BBX: variants seen among roughly 807,000 people sequenced by gnomAD.
The protein encoded by BBX is HMG box transcription factor BBX.
A neutral mutation model predicts 100.2 loss-of-function variants in BBX; 30 were observed. The observed-to-expected ratio is 0.30, with a 90% CI of 0.22 to 0.41. The LOEUF (loss-of-function observed/expected upper bound fraction) is 0.41, where lower values mean the gene tolerates loss of function less well. BBX is among the 10% of genes least tolerant of loss of function. The probability of loss-of-function intolerance (pLI) is 1.00; values close to 1 mark genes in which losing one functional copy is unlikely to be tolerated. For synonymous variants in BBX, 376 were observed against 388.1 expected (o/e 0.97, Z 0.37); for missense variants, 1,023 against 1,129.8 (o/e 0.91, Z 1.35).
intron 2 of BBX, among the ~76,000 whole-genome samples, chr3:107,562,510 C>G (rs896304898): frequency 7.9e-5 from 12 of 151,618 alleles, no homozygotes; most frequent in African/African-American, 2.7e-4. Context: ...TGTAGTAATT[C>G]ATTTAGTTTT....
intron 5 of BBX, among the ~76,000 whole-genome samples, chr3:107,719,834 ATC>A: frequency 6.6e-6 from 1 of 151,980 alleles, no homozygotes; most frequent in Non-Finnish European, 1.5e-5. Flanking sequence ...AGGAATACAA[ATC>A]TCTGCATTTT....
At chr3:107,649,528 G>A (rs377507606) in intron 3 of BBX, among the ~76,000 whole-genome samples, 2 of 152,130 alleles carry the variant, frequency 1.3e-5, no homozygotes, top group Non-Finnish European at 2.9e-5. Context: ...AGAGTCCCTG[G>A]CACATAGAAG....
At chr3:107,783,177 G>A (rs1339121841) in intron 13 of BBX, among the ~76,000 whole-genome samples, 2 of 151,988 alleles carry the variant, frequency 1.3e-5, no homozygotes, top group East Asian at 3.9e-4. Context: ...TTCACTTCTT[G>A]ACTCTAAAAT....
At chr3:107,622,469 T>C (rs1464886541) in intron 2 of BBX, among the ~76,000 whole-genome samples, 2 of 152,234 alleles carry the variant, frequency 1.3e-5, no homozygotes, top group Non-Finnish European at 2.9e-5. Context: ...ATACATATCC[T>C]GTACATGCGT....
At chr3:107,752,109 T>C (rs1401559729) in intron 9 of BBX, among the ~76,000 whole-genome samples, 1 of 152,236 alleles carries the variant, frequency 6.6e-6, no homozygotes, top group Non-Finnish European at 1.5e-5. Context: ...TGAAAAATTA[T>C]ATTTACCTTG....
At chr3:107,625,958 A>G (rs2056141121) in intron 2 of BBX, among the ~76,000 whole-genome samples, 2 of 152,148 alleles carry the variant, frequency 1.3e-5, no homozygotes, top group Admixed American at 1.3e-4. Context: ...TATAATATAT[A>G]TACCTTACAT....
At chr3:107,723,701 G>C (rs1306205785) in intron 5 of BBX, among the ~76,000 whole-genome samples, 1 of 151,986 alleles carries the variant, frequency 6.6e-6, no homozygotes, top group Admixed American at 6.6e-5. Flanking sequence ...GAGAATGATG[G>C]TTTCCAGCTT....
intron 3 of BBX, among the ~76,000 whole-genome samples, chr3:107,689,559 A>G (rs1409197960): frequency 6.6e-6 from 1 of 152,226 alleles, no homozygotes; most frequent in Non-Finnish European, 1.5e-5. Flanking sequence ...TAAGAGCTGC[A>G]GCATCAATAT....
chr3:107,784,939 G>A (rs1448718373), intron 13 of BBX, among the ~76,000 whole-genome samples: 5 of 151,594 alleles, frequency 3.3e-5, no homozygotes, highest in Admixed American at 1.3e-4. Context: ...AGAAGAAAAA[G>A]AGAAGACTCA....
intron 3 of BBX, among the ~76,000 whole-genome samples, chr3:107,653,735 C>A (rs562346538): frequency 6.6e-6 from 1 of 152,222 alleles, no homozygotes; most frequent in South Asian, 2.1e-4. Flanking sequence ...TTTAGAGTAT[C>A]GAACATTACC....
chr3:107,618,882 C>G (rs564414077), intron 2 of BBX, among the ~76,000 whole-genome samples: 1 of 152,128 alleles, frequency 6.6e-6, no homozygotes, highest in African/African-American at 2.4e-5. Flanking sequence ...GCTGTTGGGT[C>G]AGATGTTGTG....
rs758752171 is a variant in BBX at position 107,798,580 on chromosome 3, C to T, written c.2411C>T (p.Pro804Leu). ...CCTGTTCATAAGGTTAAAAATATCC[C>T]ATCCATTTTCAACACTCCAGAGCCA... ...MEPVHKVKNIPSIFNTPEPTT... is the reference protein window; with the variant it reads ...MEPVHKVKNILSIFNTPEPTT... Residue 804 changes from proline to leucine, a missense_variant, in exon 16 of 18, where the codon CCA (proline) becomes CTA (leucine). Coordinates refer to ENST00000325805, the MANE Select transcript of BBX (RefSeq NM_001142568.3). The T allele has an allele frequency of 1.9e-6, 3 of 1,613,886 alleles. No homozygotes were observed. The highest frequency in any genetic ancestry group is 2.5e-6 in the Non-Finnish European group (3 of 1,179,886).
intron 2 of BBX, among the ~76,000 whole-genome samples, chr3:107,643,834 T>C (rs2057361686): frequency 6.6e-6 from 1 of 152,178 alleles, no homozygotes; most frequent in South Asian, 2.1e-4. Flanking sequence ...AGATAAAATT[T>C]GGAGTGTTTC....
chr3:107,772,984 T>C lies in BBX; in HGVS notation c.1263T>C (p.Asp421=), dbSNP rs146123837. ...CCAGTAGCAAGATAATAATTAGTGA[T>C]GTTCCCAGTAGAAAGGATCATATGT... The part of the protein sequence containing the change: ...YSASSKIIIS[D]VPSRKDHMCH... The change falls in exon 11 of 18, where the codon GAT becomes GAC. Residue 421 remains aspartate, a synonymous_variant. Coordinates refer to ENST00000325805, the MANE Select transcript of BBX (RefSeq NM_001142568.3). 1 of 1,613,992 alleles carries C rather than the reference T, an allele frequency of 6.2e-7. No homozygotes were observed. The highest frequency in any genetic ancestry group is 8.5e-7 in the Non-Finnish European group (1 of 1,179,982).
intron 6 of BBX, among the ~76,000 whole-genome samples, chr3:107,730,152 T>A (rs1445711168): frequency 6.6e-6 from 1 of 152,156 alleles, no homozygotes; most frequent in Non-Finnish European, 1.5e-5. Flanking sequence ...GTGATTGCTA[T>A]GTGGGTGTCT....
chr3:107,754,986 A>G (rs2065362808), intron 9 of BBX, among the ~76,000 whole-genome samples: 1 of 152,218 alleles, frequency 6.6e-6, no homozygotes, highest in African/African-American at 2.4e-5. Context: ...TGTTGTACAT[A>G]TGTTATGTAC....
At chr3:107,726,928 T>G (rs1381090506) in intron 5 of BBX, among the ~76,000 whole-genome samples, 1 of 152,070 alleles carries the variant, frequency 6.6e-6, no homozygotes, top group Non-Finnish European at 1.5e-5. Context: ...TGATTATAAC[T>G]GCTCTATGTG....
intron 2 of BBX, among the ~76,000 whole-genome samples, chr3:107,568,510 C>T (rs1428820316): frequency 3.3e-5 from 5 of 152,070 alleles, no homozygotes; most frequent in East Asian, 1.9e-4. Context: ...GTGATCCCCT[C>T]GGCCTCCCAA....
At chr3:107,527,315 T>C (rs1038243000) in intron 2 of BBX, among the ~76,000 whole-genome samples, 1 of 152,228 alleles carries the variant, frequency 6.6e-6, no homozygotes, top group Non-Finnish European at 1.5e-5. Flanking sequence ...CTTTGTAATA[T>C]TACCATAGTG....
Sources: gnomAD v4.1 joint callset for allele counts (sites outside exome capture counted in the v4.1 genomes callset) on GRCh38, gnomAD v4.1.1 for gene constraint, MANE v1.5 for transcripts, NCBI Gene and HGNC (gene_info 2026-07-23, HGNC 2026-07-21) for gene names.